FBN3: variants seen among roughly 807,000 people sequenced by gnomAD.
FBN3 encodes fibrillin-3.
Under a neutral mutation model 330.1 loss-of-function variants are expected in FBN3, and 234 were observed. The ratio of observed to expected loss-of-function variants is 0.71; its 90% CI spans 0.64 to 0.79. The LOEUF (loss-of-function observed/expected upper bound fraction) is 0.79, where lower values mean the gene tolerates loss of function less well. FBN3 is among the 30% of genes least tolerant of loss of function. The probability of loss-of-function intolerance (pLI) is 0.00; values close to 1 mark genes in which losing one functional copy is unlikely to be tolerated. For synonymous variants in FBN3, 1,458 were observed against 1,517.3 expected (o/e 0.96, Z 0.91); for missense variants, 3,606 against 3,886.9 (o/e 0.93, Z 1.92).
Position 8,088,188 on chromosome 19 carries a change from G to A in FBN3, c.6377-9C>T. The stretch of plus-strand genomic sequence containing the variant: ...AGAGCACTCGTCTGTGTCTGGGTGG[G>A]AGTAAGGGGGTGGTCAGCACCTGCA... On this transcript the variant is annotated splice_polypyrimidine_tract_variant and intron_variant, in intron 51 of 63. Transcript: ENST00000600128. The A allele has an allele frequency of 1.3e-6, 2 of 1,583,138 alleles. No individual in the cohort carries two copies.
At chr19:8,138,711 T>TG in intron 8 of FBN3, 147 bp from the exon 9 acceptor site, 1 of 825,232 alleles carries the variant, frequency 1.2e-6, no homozygotes, top group Non-Finnish European at 1.9e-6. Flanking sequence ...TGGGGATGCT[T>TG]GGAGCATCCA....
intron 38 of FBN3, among the ~76,000 whole-genome samples, chr19:8,104,142 A>T (rs1292548285): frequency 1.4e-5 from 2 of 146,098 alleles, no homozygotes; most frequent in Non-Finnish European, 3.0e-5. Flanking sequence ...AAACAAACGA[A>T]CAAAAACAAT....
intron 39 of FBN3, 97 bp from the exon 40 acceptor site, chr19:8,102,970 G>T: frequency 7.7e-7 from 1 of 1,297,490 alleles, no homozygotes; most frequent in Non-Finnish European, 1.1e-6. Flanking sequence ...TGATTCATTT[G>T]AAGATTACTG....
chr19:8,130,634 AAG>A (rs1491352591), intron 16 of FBN3, among the ~76,000 whole-genome samples: 1 of 2,106 alleles, frequency 4.7e-4, no homozygotes, highest in Non-Finnish European at 1.7e-3. Flanking sequence ...GAAAGAAAGA[AAG>A]AAAGAAAGGA....
chr19:8,146,280 T>G lies in FBN3; in HGVS notation c.251-55A>C, dbSNP rs73922242. On this transcript the variant is annotated intron_variant, in intron 3 of 63. Coordinates refer to ENST00000600128, the MANE Select transcript of FBN3 (RefSeq NM_032447.5). ...ACCAGGACCGAGCCTGGGCCGTCCC[T>G]GCTCCATTGGTGTCCGGGCTGGCCG... 2.0e-3 allele frequency: 2,873 copies of G among 1,455,488 alleles called. 48 individuals are homozygous for G. The African/African-American group carries it at 0.035, about 18-fold the overall frequency. The allele number at this position is 1,455,488 out of a possible 1,614,324, so 90.2% of individuals were successfully genotyped here. A position where few individuals can be genotyped will look rare whatever the true frequency, so the allele number is the denominator to read the frequency against.
At chr19:8,090,819 C>G (rs2082081002) in intron 48 of FBN3, among the ~76,000 whole-genome samples, 1 of 152,062 alleles carries the variant, frequency 6.6e-6, no homozygotes, top group Admixed American at 6.6e-5. Context: ...TGGAATCCCA[C>G]CCCACTTCAT....
chr19:8,065,853 T>G lies in FBN3; in HGVS notation c.*66A>C, dbSNP rs1170481247. 16 of 1,297,068 alleles carry G rather than the reference T, an allele frequency of 1.2e-5. No individual in the cohort carries two copies. Among genetic ancestry groups the G allele is most frequent in the Non-Finnish European group, 1.7e-5 (16 of 935,948 alleles). 80.3% of individuals were successfully genotyped at this position (1,297,068 alleles called of 1,614,324 possible). On this transcript the variant is annotated 3_prime_UTR_variant, in exon 64 of 64. Coordinates refer to ENST00000600128, the MANE Select transcript of FBN3 (RefSeq NM_032447.5). ...TCTGGTCAGCCATCGCTTCTGGGGA[T>G]CAGTCCTTCCCAGTTCCAGAATCCC...
chr19:8,083,896 G>A (rs1366823453), intron 56 of FBN3, among the ~76,000 whole-genome samples: 3 of 149,434 alleles, frequency 2.0e-5, no homozygotes, highest in African/African-American at 4.9e-5. Context: ...TCCGCCTCCC[G>A]GGTTCACGCC....
chr19:8,114,834 T>C (rs2082671715), intron 30 of FBN3, among the ~76,000 whole-genome samples: 1 of 151,968 alleles, frequency 6.6e-6, no homozygotes, highest in South Asian at 2.1e-4. Context: ...CTTCGCCTCC[T>C]GGGTTCACGC....
intron 29 of FBN3, among the ~76,000 whole-genome samples, chr19:8,115,958 C>A (rs34071630): frequency 0.23 from 34,900 of 151,908 alleles, 4,507 homozygotes; most frequent in East Asian, 0.37. Flanking sequence ...TTTCCTCCTG[C>A]AGGACTTTTC....
chr19:8,138,347 C>T, intron 9 of FBN3, 24 bp from the exon 10 acceptor site: 1 of 1,611,612 alleles, frequency 6.2e-7, no homozygotes, highest in Non-Finnish European at 8.5e-7. Context: ...GGGTTGAGGC[C>T]AGGCCCTTGG....
At position 8,090,271 on chromosome 19, in the gene FBN3, T is replaced by C; in HGVS notation, c.6032-20A>G. ...GTGTGTCTGTGGGGTGGGGGCTCCATTACCCTGATTGAAAGCCGCTGGCAG... is the reference window on the plus strand; with the variant it reads ...GTGTGTCTGTGGGGTGGGGGCTCCACTACCCTGATTGAAAGCCGCTGGCAG... On this transcript the variant is annotated intron_variant, in intron 48 of 63. Coordinates refer to ENST00000600128, the MANE Select transcript of FBN3 (RefSeq NM_032447.5). 1 of 1,612,948 alleles carries C rather than the reference T, an allele frequency of 6.2e-7. No individual in the cohort carries two copies. The highest frequency in any genetic ancestry group is 8.5e-7 in the Non-Finnish European group (1 of 1,179,576).
intron 30 of FBN3, among the ~76,000 whole-genome samples, chr19:8,114,994 G>A (rs1018349640): frequency 1.3e-5 from 2 of 151,990 alleles, no homozygotes; most frequent in Non-Finnish European, 2.9e-5. Context: ...CCAGCCTCCC[G>A]AGTAGCTGGG....
chr19:8,080,583 C>T (rs113075345), intron 59 of FBN3, among the ~76,000 whole-genome samples: 2,327 of 152,290 alleles, frequency 0.015, 28 homozygotes, highest in Non-Finnish European at 0.023. Flanking sequence ...GTTCTGATCA[C>T]CCCCATGTCC....
intron 41 of FBN3, 80 bp from the exon 42 acceptor site, chr19:8,097,494 C>T (rs2082237199): frequency 4.8e-6 from 7 of 1,468,986 alleles, no homozygotes; most frequent in Non-Finnish European, 5.5e-6. Context: ...CCCACTAGCC[C>T]TGCAATCTGG....
At chr19:8,091,801 G>A (rs963538081) in intron 47 of FBN3, among the ~76,000 whole-genome samples, 18 of 152,174 alleles carry the variant, frequency 1.2e-4, no homozygotes, top group Non-Finnish European at 2.6e-4. Flanking sequence ...CCAGAGTAAA[G>A]GTCATGGTCA....
At chr19:8,077,595 C>T (rs1026983542) in intron 59 of FBN3, among the ~76,000 whole-genome samples, 2 of 152,130 alleles carry the variant, frequency 1.3e-5, no homozygotes, top group African/African-American at 2.4e-5. Flanking sequence ...GCCACGATCA[C>T]GCCCCTGCGC....
intron 41 of FBN3, among the ~76,000 whole-genome samples, chr19:8,100,498 C>G (rs2082304470): frequency 1.3e-5 from 2 of 151,996 alleles, no homozygotes; most frequent in South Asian, 4.2e-4. Context: ...CCACCATGCC[C>G]AGCTAATTTT....
intron 4 of FBN3, 49 bp from the exon 5 acceptor site, chr19:8,145,987 G>A: frequency 1.3e-6 from 2 of 1,517,488 alleles, no homozygotes; most frequent in Non-Finnish European, 1.8e-6. Context: ...TGGGCCCCGA[G>A]ATGCCCTCCT....
Sources: gnomAD v4.1 joint callset for allele counts (sites outside exome capture counted in the v4.1 genomes callset) on GRCh38, gnomAD v4.1.1 for gene constraint, MANE v1.5 for transcripts, NCBI Gene and HGNC (gene_info 2026-07-23, HGNC 2026-07-21) for gene names.